NOVA1: variants seen among roughly 807,000 people sequenced by gnomAD.
NOVA1 encodes NOVA alternative splicing regulator 1.
A neutral mutation model predicts 38.0 loss-of-function variants in NOVA1; 7 were observed. The ratio of observed to expected loss-of-function variants is 0.18; its 90% CI spans 0.10 to 0.35. The LOEUF (loss-of-function observed/expected upper bound fraction) is 0.35, where lower values mean the gene tolerates loss of function less well. NOVA1 is among the 10% of genes least tolerant of loss of function. NOVA1 has a pLI of 1.00. For missense variants in NOVA1, 460 were observed against 616.0 expected, an observed-to-expected ratio of 0.75 and a Z score of 2.68; for synonymous variants, 270 against 232.5, an observed-to-expected ratio of 1.16 and a Z score of -1.47.
intron 4 of NOVA1, among the ~76,000 whole-genome samples, chr14:26,466,832 C>T (rs997383763): frequency 6.6e-6 from 1 of 152,162 alleles, no homozygotes; most frequent in Non-Finnish European, 1.5e-5. Context: ...CAGCATTCAT[C>T]CCCATTTTGT....
chr14:26,522,447 C>T (rs1372576937), intron 2 of NOVA1, among the ~76,000 whole-genome samples: 1 of 152,126 alleles, frequency 6.6e-6, no homozygotes, highest in Non-Finnish European at 1.5e-5. Context: ...CATGACTTCA[C>T]TGAAGTTTAA....
intron 2 of NOVA1, among the ~76,000 whole-genome samples, chr14:26,587,723 A>C (rs1893614067): frequency 6.6e-6 from 1 of 151,292 alleles, no homozygotes; most frequent in South Asian, 2.1e-4. Context: ...AATATGACCA[A>C]AATTAAAAAG....
intron 2 of NOVA1, among the ~76,000 whole-genome samples, chr14:26,572,748 G>GTGTGTGTA (rs1892564374): frequency 6.6e-6 from 1 of 151,368 alleles, no homozygotes; most frequent in African/African-American, 2.4e-5. Flanking sequence ...GTGTGTGTGT[G>GTGTGTGTA]TGTGTGTGTG....
chr14:26,505,211 C>T (rs886073562), intron 2 of NOVA1, among the ~76,000 whole-genome samples: 4 of 152,118 alleles, frequency 2.6e-5, no homozygotes, highest in South Asian at 2.1e-4. Flanking sequence ...ATGAGCTAAA[C>T]GGTAAATTGA....
intron 2 of NOVA1, among the ~76,000 whole-genome samples, chr14:26,558,155 G>T (rs1891607042): frequency 6.6e-6 from 1 of 151,820 alleles, no homozygotes; most frequent in South Asian, 2.1e-4. Context: ...AAAACAGGGA[G>T]GTTTTCTTTT....
chr14:26,490,920 G>GC (rs1383717455), intron 2 of NOVA1, among the ~76,000 whole-genome samples: 1 of 145,822 alleles, frequency 6.9e-6, no homozygotes, highest in Non-Finnish European at 1.5e-5. Flanking sequence ...CGCAATCTCG[G>GC]CTCACTGCAA....
rs550717995 is a variant in NOVA1 at position 26,461,387 on chromosome 14, T to A, written c.519+10933A>T. Among the ~76,000 whole-genome samples, 3 of 152,252 alleles carry A rather than the reference T, an allele frequency of 2.0e-5. No individual in the cohort carries two copies. In the South Asian group the frequency reaches 6.2e-4, roughly 32 times the overall value. On this transcript the variant is annotated intron_variant, in intron 4 of 4. Coordinates refer to ENST00000539517, the MANE Select transcript of NOVA1 (RefSeq NM_002515.3). ...ATAACCTGATATTTACCAAATATTG[T>A]GTTAAAATACTAACCTGAAAACATT...
chr14:26,541,653 C>G (rs569909276), intron 2 of NOVA1, among the ~76,000 whole-genome samples: 68 of 150,632 alleles, frequency 4.5e-4, no homozygotes, highest in Non-Finnish European at 8.4e-4. Context: ...TTCCTAATCT[C>G]AAAGTTCCAT....
At chr14:26,451,358 T>TTTTATTTA (rs983560162) in intron 4 of NOVA1, among the ~76,000 whole-genome samples, 83 of 152,144 alleles carry the variant, frequency 5.5e-4, no homozygotes, top group Non-Finnish European at 1.1e-3. Context: ...AACATTTTAT[T>TTTTATTTA]TTTATTTATT....
At position 26,506,276 on chromosome 14, in the gene NOVA1, A is replaced by G. The variant is rs184250647; in HGVS notation, c.281-26133T>C. Among the ~76,000 whole-genome samples, 34 of 152,352 alleles carry G rather than the reference A, an allele frequency of 2.2e-4. No individual in the cohort carries two copies. The Middle Eastern group carries it at 0.014, about 61-fold the overall frequency. ...TAAGAATTTATAGAATTTTAAAATTAGGCTAGGTAATCTTCCAGGGCGTAA... is the reference window on the plus strand; with the variant it reads ...TAAGAATTTATAGAATTTTAAAATTGGGCTAGGTAATCTTCCAGGGCGTAA... On this transcript the variant is annotated intron_variant, in intron 2 of 4. Coordinates refer to ENST00000539517, the MANE Select transcript of NOVA1 (RefSeq NM_002515.3).
chr14:26,579,202 C>T (rs190333227), intron 2 of NOVA1, among the ~76,000 whole-genome samples: 4 of 151,704 alleles, frequency 2.6e-5, no homozygotes, highest in Admixed American at 2.6e-4. Flanking sequence ...GGACTACAGG[C>T]GCGCGCCATC....
chr14:26,522,061 C>G (rs2138508087), intron 2 of NOVA1, among the ~76,000 whole-genome samples: 1 of 152,040 alleles, frequency 6.6e-6, no homozygotes, highest in Non-Finnish European at 1.5e-5. Flanking sequence ...ATGTCTTTCA[C>G]AAGATAGTTA....
intron 2 of NOVA1, chr14:26,549,719 GGCACAGTGGAGAAA>G: frequency 7.8e-7 from 1 of 1,288,252 alleles, no homozygotes; most frequent in East Asian, 5.6e-5. Flanking sequence ...CTCTGCAGAT[GGCACAGTGGAGAAA>G]TACCTTCTGT....
Position 26,556,460 on chromosome 14 carries a change from AAAAAT to A in NOVA1, c.280+38945_280+38949del, listed in dbSNP as rs368494741. Among the ~76,000 whole-genome samples, 567 of 152,274 alleles carry A rather than the reference AAAAAT, an allele frequency of 3.7e-3. 4 individuals carry two copies. Among genetic ancestry groups the A allele is most frequent in the African/African-American group, 0.013 (546 of 41,564 alleles). On this transcript the variant is annotated intron_variant, in intron 2 of 4. Transcript: ENST00000539517. ...CTCGACATCCACATGCCAAAAAATAAAAAATAAAATAAAAAACTAATCTAAATACA... is the reference window on the plus strand; with the variant it reads ...CTCGACATCCACATGCCAAAAAATAAAAAATAAAAAACTAATCTAAATACA...
chr14:26,499,627 T>G (rs1887101163), intron 2 of NOVA1, among the ~76,000 whole-genome samples: 1 of 152,134 alleles, frequency 6.6e-6, no homozygotes, highest in East Asian at 1.9e-4. Context: ...ATATGGACTT[T>G]AAGCACTTCC....
At chr14:26,512,008 C>T (rs1354638924) in intron 2 of NOVA1, among the ~76,000 whole-genome samples, 1 of 152,052 alleles carries the variant, frequency 6.6e-6, no homozygotes, top group Non-Finnish European at 1.5e-5. Flanking sequence ...TTCAAACTTG[C>T]TAAACTAGAT....
intron 2 of NOVA1, among the ~76,000 whole-genome samples, chr14:26,573,568 T>C (rs1444196484): frequency 1.3e-5 from 2 of 152,124 alleles, no homozygotes; most frequent in African/African-American, 2.4e-5. Context: ...GGGGGCATGA[T>C]AAATGATTCC....
At chr14:26,459,454 G>A (rs1817686737) in intron 4 of NOVA1, among the ~76,000 whole-genome samples, 1 of 152,048 alleles carries the variant, frequency 6.6e-6, no homozygotes, top group African/African-American at 2.4e-5. Context: ...ATTCCATGAT[G>A]TATGCACAAT....
chr14:26,511,406 T>C lies in NOVA1; in HGVS notation c.281-31263A>G, dbSNP rs368644154. 4.1e-4 allele frequency among the ~76,000 whole-genome samples: 63 copies of C among 152,334 alleles called. No individual in the cohort carries two copies. In the Middle Eastern group the frequency reaches 0.01, roughly 25 times the overall value. On this transcript the variant is annotated intron_variant, in intron 2 of 4. Transcript: ENST00000539517. ...ACATACAATGCATCTATTCTCATTA[T>C]ATCGTTAAACACTCCTTAGATTTTA...
Sources: gnomAD v4.1 joint callset for allele counts (sites outside exome capture counted in the v4.1 genomes callset) on GRCh38, gnomAD v4.1.1 for gene constraint, MANE v1.5 for transcripts, NCBI Gene and HGNC (gene_info 2026-07-23, HGNC 2026-07-21) for gene names.